PCDHGA3: variants seen among roughly 807,000 people sequenced by gnomAD.
The protein encoded by PCDHGA3 is protocadherin gamma-A3.
Under a neutral mutation model 58.5 loss-of-function variants are expected in PCDHGA3, and 40 were observed. The ratio of observed to expected loss-of-function variants is 0.68; its 90% CI spans 0.53 to 0.89. The LOEUF (loss-of-function observed/expected upper bound fraction) is 0.89. Ranked by LOEUF, PCDHGA3 falls within the 40% of genes least tolerant of loss-of-function variation. PCDHGA3 has a pLI of 0.00. For missense variants in PCDHGA3, 1,223 were observed against 1,195.9 expected (o/e 1.02, Z -0.33); for synonymous variants, 530 against 525.7 (o/e 1.01, Z -0.11).
chr5:141,480,273 G>A (rs2099516030), intron 1 of PCDHGA3, among the ~76,000 whole-genome samples: 1 of 151,956 alleles, frequency 6.6e-6, no homozygotes, highest in Non-Finnish European at 1.5e-5. Flanking sequence ...TCATTAGCTG[G>A]GTGTGTTGGC....
chr5:141,392,628 A>C (rs2092566593), intron 1 of PCDHGA3: 2 of 588,334 alleles, frequency 3.4e-6, no homozygotes, highest in South Asian at 5.4e-5. Flanking sequence ...AAACACTCAG[A>C]TCTCACACCT....
intron 2 of PCDHGA3, among the ~76,000 whole-genome samples, chr5:141,496,097 A>C (rs1329818315): frequency 6.6e-6 from 1 of 151,148 alleles, no homozygotes; most frequent in Non-Finnish European, 1.5e-5. Context: ...CCACCCACCA[A>C]CACCCCGCTC....
intron 1 of PCDHGA3, chr5:141,492,079 G>A (rs1400390407): frequency 4.1e-6 from 2 of 486,168 alleles, no homozygotes; most frequent in African/African-American, 2.0e-5. Context: ...CGCCGGCTCC[G>A]GCACGCTTCG....
intron 1 of PCDHGA3, chr5:141,371,871 G>A (rs1298727306): frequency 1.9e-6 from 3 of 1,613,400 alleles, no homozygotes; most frequent in African/African-American, 2.7e-5. Flanking sequence ...CTACATCGTG[G>A]CCAGTGACCT....
chr5:141,447,854 G>A (rs1480134238), intron 1 of PCDHGA3, among the ~76,000 whole-genome samples: 1 of 152,200 alleles, frequency 6.6e-6, no homozygotes, highest in Non-Finnish European at 1.5e-5. Flanking sequence ...GGGAGGCCGA[G>A]GTGGGTGAAT....
At position 141,491,318 on chromosome 5, in the gene PCDHGA3, A is replaced by C; in HGVS notation, c.2425-3489A>C. The C allele has an allele frequency of 6.2e-7, 1 of 1,613,862 alleles. No individual in the cohort carries two copies. The highest frequency in any genetic ancestry group is 8.5e-7 in the Non-Finnish European group (1 of 1,179,916). On this transcript the variant is annotated intron_variant, in intron 1 of 3. Transcript: ENST00000253812. The surrounding 1 kb of genome is among the most constrained non-coding windows in gnomAD (Gnocchi z 6.9). ...CCTGAGCGTTCAGACCTTACCCTTT[A>C]CCTCATTGTGGCTCTAGCGACCGTC...
intron 1 of PCDHGA3, chr5:141,352,641 T>C: frequency 6.2e-7 from 1 of 1,608,010 alleles, no homozygotes; most frequent in Non-Finnish European, 8.5e-7. Flanking sequence ...GATCACAAAA[T>C]CGCTTATGAC....
chr5:141,460,587 T>C (rs1461971599), intron 1 of PCDHGA3, among the ~76,000 whole-genome samples: 1 of 152,170 alleles, frequency 6.6e-6, no homozygotes, highest in Non-Finnish European at 1.5e-5. Flanking sequence ...TGTGGGTTTT[T>C]TCTGGGCTCT....
Position 141,485,563 on chromosome 5 carries a change from C to T in PCDHGA3, c.2425-9244C>T, listed in dbSNP as rs746689576. The T allele has an allele frequency of 1.2e-5, 19 of 1,612,904 alleles. No homozygotes were observed. In the South Asian group the frequency reaches 1.6e-4, roughly 14 times the overall value. ...AGATCGTAGATGTGAATGATCACGCCCCCCGTTTTCCGCGGCAGCAGCTGG... is the reference window on the plus strand; with the variant it reads ...AGATCGTAGATGTGAATGATCACGCTCCCCGTTTTCCGCGGCAGCAGCTGG... On this transcript the variant is annotated intron_variant, in intron 1 of 3. Coordinates refer to ENST00000253812, the MANE Select transcript of PCDHGA3 (RefSeq NM_018916.4). This position sits in a 1 kb window ranked among gnomAD's most constrained non-coding sequence, Gnocchi z 5.7.
intron 1 of PCDHGA3, chr5:141,390,739 A>G (rs1459430005): frequency 5.6e-6 from 1 of 178,034 alleles, no homozygotes; most frequent in Non-Finnish European, 1.2e-5. Context: ...TATGGTCTCC[A>G]TAGTAGTCCA....
rs759193676 is a variant in PCDHGA3 at position 141,355,515 on chromosome 5, C to T, written c.2424+9058C>T. On this transcript the variant is annotated intron_variant, in intron 1 of 3. Transcript: ENST00000253812. The stretch of plus-strand genomic sequence containing the variant: ...ACAGATCTCCAAACTGTGTGACAAA[C>T]CTGGAGATTCTTCTAGAAGATACAG... 8.1e-6 allele frequency: 13 copies of T among 1,614,008 alleles called. No homozygotes were observed. The East Asian group carries it at 1.1e-4, about 14-fold the overall frequency.
At chr5:141,349,565 A>G (rs1477069381) in intron 1 of PCDHGA3, among the ~76,000 whole-genome samples, 1 of 152,226 alleles carries the variant, frequency 6.6e-6, no homozygotes, top group Non-Finnish European at 1.5e-5. Context: ...CATAATAGTA[A>G]GGCTGTGATT....
chr5:141,383,238 A>G (rs1381388622), intron 1 of PCDHGA3: 1 of 1,613,848 alleles, frequency 6.2e-7, no homozygotes, highest in Non-Finnish European at 8.5e-7. Flanking sequence ...TGGAAGATAA[A>G]ATGAATCTTT....
chr5:141,419,148 C>G, intron 1 of PCDHGA3: 1 of 1,613,940 alleles, frequency 6.2e-7, no homozygotes. Flanking sequence ...AGGGGCAAGC[C>G]TCCGTTATCC....
intron 1 of PCDHGA3, chr5:141,394,974 A>T: frequency 6.2e-7 from 1 of 1,613,852 alleles, no homozygotes; most frequent in Non-Finnish European, 8.5e-7. Context: ...GCGCTGGCAC[A>T]AGTCACGCCT....
intron 1 of PCDHGA3, chr5:141,366,029 C>A (rs766110369): frequency 6.2e-7 from 1 of 1,614,260 alleles, no homozygotes; most frequent in Non-Finnish European, 8.5e-7. Flanking sequence ...GTACCCCGCC[C>A]TCCCCACAGA....
Position 141,476,745 on chromosome 5 carries a change from T to C in PCDHGA3, c.2425-18062T>C, listed in dbSNP as rs1372622323. 6.2e-7 allele frequency: 1 copy of C among 1,613,958 alleles called. No individual in the cohort carries two copies. On this transcript the variant is annotated intron_variant, in intron 1 of 3. Coordinates refer to ENST00000253812, the MANE Select transcript of PCDHGA3 (RefSeq NM_018916.4). This position sits in a 1 kb window ranked among gnomAD's most constrained non-coding sequence, Gnocchi z 7.6. The stretch of plus-strand genomic sequence containing the variant: ...CTGGACCGAGAACGGGAGCCTAGTC[T>C]CCAGTTAGTGCTGACGGCGTTGGAC...
intron 1 of PCDHGA3, chr5:141,375,430 G>C: frequency 6.2e-7 from 1 of 1,613,848 alleles, no homozygotes; most frequent in Non-Finnish European, 8.5e-7. Flanking sequence ...ACGACAACCC[G>C]CCCACCTTCC....
intron 1 of PCDHGA3, chr5:141,409,412 C>T (rs1261631725): frequency 1.2e-6 from 2 of 1,614,032 alleles, no homozygotes; most frequent in Non-Finnish European, 1.7e-6. Flanking sequence ...CTACTACAAA[C>T]TGGTGACAGA....
Sources: allele counts gnomAD v4.1 joint callset (sites outside exome capture counted in the v4.1 genomes callset), GRCh38; gene constraint gnomAD v4.1.1; non-coding constraint Gnocchi (gnomAD v3.1); transcripts MANE v1.5; gene names NCBI Gene and HGNC (gene_info 2026-07-23, HGNC 2026-07-21).